Variants in RPS6KA2 observed in about 807,000 individuals in gnomAD.
RPS6KA2 encodes ribosomal protein S6 kinase alpha-2.
RPS6KA2 carries 42 observed loss-of-function variants against 91.8 expected under a neutral mutation model. The ratio of observed to expected loss-of-function variants is 0.46; its 90% CI spans 0.36 to 0.59. RPS6KA2 has a LOEUF of 0.59. Ranked by LOEUF, RPS6KA2 falls within the 20% of genes least tolerant of loss-of-function variation. The probability of loss-of-function intolerance (pLI) is 0.00; values close to 1 mark genes in which losing one functional copy is unlikely to be tolerated. For missense variants in RPS6KA2, 798 were observed against 978.5 expected (o/e 0.82, Z 2.46); for synonymous variants, 414 against 393.6 (o/e 1.05, Z -0.61).
At chr6:166,504,444 G>T in intron 6 of RPS6KA2, 62 bp downstream of exon 6, 2 of 975,126 alleles carry the variant, frequency 2.1e-6, no homozygotes, top group Non-Finnish European at 3.2e-6. Flanking sequence ...ACCAACATGG[G>T]CCAGGAAAAT....
intron 2 of RPS6KA2, among the ~76,000 whole-genome samples, chr6:166,642,710 A>T (rs551587914): frequency 1.3e-5 from 2 of 152,316 alleles, no homozygotes; most frequent in African/African-American, 4.8e-5. Context: ...ATTTCAAATG[A>T]TAGTAAGAAA....
rs369939346 is a variant in RPS6KA2 at position 166,441,497 on chromosome 6, C to T, written c.1332+7227G>A. ...GCACAGCCACCTCTGTTCCCCAAGACGGGTGCAGCTAACACCCCACGTGAT... is the reference window on the plus strand; with the variant it reads ...GCACAGCCACCTCTGTTCCCCAAGATGGGTGCAGCTAACACCCCACGTGAT... On this transcript the variant is annotated intron_variant, in intron 14 of 20. Coordinates refer to ENST00000265678, the MANE Select transcript of RPS6KA2 (RefSeq NM_021135.6). 9.5e-4 allele frequency among the ~76,000 whole-genome samples: 145 copies of T among 152,352 alleles called. 2 individuals are homozygous for T. The highest frequency in any genetic ancestry group is 5.6e-3 in the South Asian group (27 of 4,824).
Position 166,648,453 on chromosome 6 carries a change from G to A in RPS6KA2, c.124-109669C>T, listed in dbSNP as rs1259732917. Among the ~76,000 whole-genome samples the A allele has an allele frequency of 1.3e-5, 2 of 152,180 alleles. No individual in the cohort carries two copies. Among genetic ancestry groups the A allele is most frequent in the Non-Finnish European group, 2.9e-5 (2 of 68,040 alleles). On this transcript the variant is annotated intron_variant, in intron 2 of 21. Transcript: ENST00000503859. The surrounding 1 kb of genome is among the most constrained non-coding windows in gnomAD (Gnocchi z 4.8). ...CAATCTGCCTTTGTACCTGAGACTGGGCAAGAATTACTTGAGAGCAGAAGC... is the reference window on the plus strand; with the variant it reads ...CAATCTGCCTTTGTACCTGAGACTGAGCAAGAATTACTTGAGAGCAGAAGC...
chr6:166,848,577 A>T (rs1021633717), intron 2 of RPS6KA2, among the ~76,000 whole-genome samples: 2 of 152,244 alleles, frequency 1.3e-5, no homozygotes, highest in African/African-American at 4.8e-5. Context: ...TCAGCCATAA[A>T]AAGAATGAAG....
intron 2 of RPS6KA2, among the ~76,000 whole-genome samples, chr6:166,655,893 C>A (rs982772196): frequency 1.3e-5 from 2 of 152,182 alleles, no homozygotes; most frequent in Non-Finnish European, 2.9e-5. Context: ...CAGGTGCACT[C>A]GGAGACACGC....
intron 1 of RPS6KA2, among the ~76,000 whole-genome samples, chr6:166,614,039 A>T (rs1786303252): frequency 6.6e-6 from 1 of 152,180 alleles, no homozygotes; most frequent in African/African-American, 2.4e-5. Context: ...CTCAGGAACC[A>T]GGCTTGAGCC....
intron 2 of RPS6KA2, among the ~76,000 whole-genome samples, chr6:166,688,116 T>C (rs1215948333): frequency 6.6e-6 from 1 of 151,588 alleles, no homozygotes; most frequent in Non-Finnish European, 1.5e-5. Context: ...GGGAGGGGTA[T>C]GTGGGGTTGG....
At chr6:166,824,587 T>C (rs1779985968) in intron 2 of RPS6KA2, among the ~76,000 whole-genome samples, 1 of 152,072 alleles carries the variant, frequency 6.6e-6, no homozygotes, top group East Asian at 1.9e-4. Flanking sequence ...TGTCTGTGTG[T>C]GTGTGTCTGC....
chr6:166,527,311 G>T (rs534881606), intron 3 of RPS6KA2, among the ~76,000 whole-genome samples: 1 of 152,292 alleles, frequency 6.6e-6, no homozygotes, highest in East Asian at 1.9e-4. Context: ...AAGGAGAAAA[G>T]GAGCTCTTCC....
intron 2 of RPS6KA2, among the ~76,000 whole-genome samples, chr6:166,647,944 A>G (rs1009033011): frequency 1.6e-4 from 23 of 145,286 alleles, no homozygotes; most frequent in Admixed American, 1.3e-3. Flanking sequence ...ATGCTCATAC[A>G]CACACATGCA....
At chr6:166,675,185 C>T (rs1645119897) in intron 2 of RPS6KA2, among the ~76,000 whole-genome samples, 1 of 152,138 alleles carries the variant, frequency 6.6e-6, no homozygotes, top group Admixed American at 6.5e-5. Context: ...GGGACAGGGC[C>T]CAAGTCTTCT....
At chr6:166,427,984 C>G (rs1446495844) in intron 16 of RPS6KA2, among the ~76,000 whole-genome samples, 1 of 151,270 alleles carries the variant, frequency 6.6e-6, no homozygotes, top group Non-Finnish European at 1.5e-5. Context: ...AAAGAGCCGC[C>G]CGCATCGCCA....
intron 2 of RPS6KA2, among the ~76,000 whole-genome samples, chr6:166,689,530 C>A (rs900191413): frequency 2.0e-5 from 3 of 152,158 alleles, no homozygotes; most frequent in African/African-American, 7.2e-5. Context: ...ATTTTTAGAA[C>A]CTCCAGGGGA....
chr6:166,727,319 A>AACACAC (rs10541160), intron 2 of RPS6KA2, among the ~76,000 whole-genome samples: 2,114 of 146,622 alleles, frequency 0.014, 40 homozygotes, highest in African/African-American at 0.049. Flanking sequence ...TAAACAAACA[A>AACACAC]ACACACACAC....
rs1780679904 is a variant in RPS6KA2 at position 166,849,365 on chromosome 6, C to T, written c.123+8835G>A. On this transcript the variant is annotated intron_variant, in intron 2 of 21. Transcript: ENST00000503859. This position sits in a 1 kb window ranked among gnomAD's most constrained non-coding sequence, Gnocchi z 4.9. ...CCCCGTGTGAAACCATCTTGTTGAG[C>T]TAGTTGTTTATTTGCGAGGATGCTA... 6.6e-6 allele frequency among the ~76,000 whole-genome samples: 1 copy of T among 152,194 alleles called. No homozygotes were observed. Among genetic ancestry groups the T allele is most frequent in the Non-Finnish European group, 1.5e-5 (1 of 68,040 alleles).
At chr6:166,751,012 T>C (rs758849176) in intron 2 of RPS6KA2, among the ~76,000 whole-genome samples, 5 of 152,150 alleles carry the variant, frequency 3.3e-5, no homozygotes, top group Non-Finnish European at 7.3e-5. Context: ...AAGTGTGCTT[T>C]TGTGACCGAA....
chr6:166,557,278 C>T lies in RPS6KA2; in HGVS notation c.100-18494G>A, dbSNP rs1192316900. ...CCTGCCGGGGTGAGGACCGTGGGCGCGGAGCATGCTTCCCAAGAACAGCCC... is the reference window on the plus strand; with the variant it reads ...CCTGCCGGGGTGAGGACCGTGGGCGTGGAGCATGCTTCCCAAGAACAGCCC... On this transcript the variant is annotated intron_variant, in intron 1 of 20. Coordinates refer to ENST00000265678, the MANE Select transcript of RPS6KA2 (RefSeq NM_021135.6). The surrounding 1 kb of genome is among the most constrained non-coding windows in gnomAD (Gnocchi z 4.8). Among the ~76,000 whole-genome samples, 3 of 152,212 alleles carry T rather than the reference C, an allele frequency of 2.0e-5. No individual in the cohort carries two copies. Among genetic ancestry groups the T allele is most frequent in the South Asian group, 2.1e-4 (1 of 4,824 alleles).
chr6:166,597,397 C>T (rs909448740), intron 1 of RPS6KA2, among the ~76,000 whole-genome samples: 4 of 152,200 alleles, frequency 2.6e-5, no homozygotes, highest in African/African-American at 9.7e-5. Flanking sequence ...ACCTGGCAGC[C>T]AGGCCATGGG....
intron 12 of RPS6KA2, among the ~76,000 whole-genome samples, chr6:166,455,008 T>A (rs1780049514): frequency 6.6e-6 from 1 of 151,760 alleles, no homozygotes; most frequent in Non-Finnish European, 1.5e-5. Context: ...TGTACAAATT[T>A]AAACATTCTT....
Sources: gnomAD v4.1 joint callset for allele counts (sites outside exome capture counted in the v4.1 genomes callset) on GRCh38, gnomAD v4.1.1 for gene constraint, Gnocchi (gnomAD v3.1) non-coding constraint, MANE v1.5 for transcripts, NCBI Gene and HGNC (gene_info 2026-07-23, HGNC 2026-07-21) for gene names.